MYBPC1: variants seen among roughly 807,000 people sequenced by gnomAD.
MYBPC1 encodes myosin-binding protein C, slow-type.
A neutral mutation model predicts 147.1 loss-of-function variants in MYBPC1; 52 were observed. The ratio of observed to expected loss-of-function variants is 0.35; its 90% CI spans 0.28 to 0.45. MYBPC1 has a LOEUF of 0.45. Ranked by LOEUF, MYBPC1 falls within the 20% of genes least tolerant of loss-of-function variation. The probability of loss-of-function intolerance (pLI) is 1.00; values close to 1 mark genes in which losing one functional copy is unlikely to be tolerated. For synonymous variants in MYBPC1, 477 were observed against 475.9 expected, an observed-to-expected ratio of 1.00 and a Z score of -0.03; for missense variants, 1,228 against 1,440.3, an observed-to-expected ratio of 0.85 and a Z score of 2.39.
rs114156749 is a variant in MYBPC1, at chr12:101,682,951, C to T, written c.3492+289C>T. Among the ~76,000 whole-genome samples, 1,145 of 152,214 alleles carry T rather than the reference C, an allele frequency of 7.5e-3. 17 individuals are homozygous for T. The highest frequency in any genetic ancestry group is 0.027 in the African/African-American group (1,102 of 41,514). On this transcript the variant is annotated intron_variant, in intron 30 of 31. Transcript: ENST00000361466. ...GATGATCTCGTTTTATATAATAAGA[C>T]TATCAAAACTTGGGTATCAATATTT...
intron 22 of MYBPC1, 145 bp from the exon 23 acceptor site, chr12:101,667,587 C>G: frequency 3.5e-6 from 3 of 866,158 alleles, no homozygotes; most frequent in Non-Finnish European, 5.6e-6. Context: ...CCCATGTAGT[C>G]GGAGTCCAGA....
chr12:101,685,765 C>T lies in MYBPC1; in HGVS notation c.*203C>T. On this transcript the variant is annotated 3_prime_UTR_variant, in exon 32 of 32. Coordinates refer to ENST00000361466, the MANE Select transcript of MYBPC1 (RefSeq NM_002465.4). ...AGAAAAAGCATTTTCTGTTTTCCCA[C>T]CAGGCCCCCAAGTGTGGTCTTTTTC... 1 of 999,172 alleles carries T rather than the reference C, an allele frequency of 1.0e-6. No homozygotes were observed. Among genetic ancestry groups the T allele is most frequent in the East Asian group, 3.1e-5 (1 of 32,646 alleles). 61.9% of individuals were successfully genotyped at this position (999,172 alleles called of 1,614,324 possible).
At chr12:101,676,344 C>G (rs1038316524) in intron 26 of MYBPC1, among the ~76,000 whole-genome samples, 2 of 152,062 alleles carry the variant, frequency 1.3e-5, no homozygotes, top group Non-Finnish European at 2.9e-5. Context: ...GAGGCTGAGG[C>G]AGGAGAATTG....
chr12:101,609,543 G>A (rs887955706), intron 1 of MYBPC1, among the ~76,000 whole-genome samples: 35 of 152,020 alleles, frequency 2.3e-4, no homozygotes, highest in Admixed American at 1.6e-3. Context: ...TTGACCTCCC[G>A]AGCCACCATG....
chr12:101,642,813 C>A (rs1056562238), intron 11 of MYBPC1, among the ~76,000 whole-genome samples: 1 of 152,148 alleles, frequency 6.6e-6, no homozygotes, highest in Non-Finnish European at 1.5e-5. Context: ...ATTACCCCCG[C>A]GGTTACTGGG....
intron 11 of MYBPC1, among the ~76,000 whole-genome samples, chr12:101,643,250 A>T (rs1431238798): frequency 1.3e-5 from 2 of 151,960 alleles, no homozygotes; most frequent in African/African-American, 4.8e-5. Flanking sequence ...ACCACCCTTT[A>T]AAAAAAATCT....
chr12:101,658,737 G>C (rs1194784998), intron 18 of MYBPC1, among the ~76,000 whole-genome samples: 2 of 152,260 alleles, frequency 1.3e-5, no homozygotes, highest in African/African-American at 4.8e-5. Context: ...ATTAGAATTT[G>C]GCTGATATGA....
chr12:101,651,570 A>T (rs1318837414), intron 16 of MYBPC1, among the ~76,000 whole-genome samples, 177 bp downstream of exon 16: 1 of 152,158 alleles, frequency 6.6e-6, no homozygotes, highest in Non-Finnish European at 1.5e-5. Context: ...AGCATGTCCT[A>T]CTCATAATCC....
chr12:101,682,327 C>T (rs1287117596), intron 29 of MYBPC1, among the ~76,000 whole-genome samples: 4 of 152,082 alleles, frequency 2.6e-5, no homozygotes, highest in Admixed American at 2.6e-4. Flanking sequence ...TAGTATTATA[C>T]ATATACATGA....
At chr12:101,644,378 A>C (rs1396926722) in intron 11 of MYBPC1, among the ~76,000 whole-genome samples, 1 of 152,144 alleles carries the variant, frequency 6.6e-6, no homozygotes, top group Non-Finnish European at 1.5e-5. Flanking sequence ...AACGCTTTAT[A>C]GTGTACATTC....
rs967990972 is a variant in MYBPC1 at position 101,624,346 on chromosome 12, T to C, written c.104-2526T>C. Among the ~76,000 whole-genome samples the C allele has an allele frequency of 7.9e-5, 12 of 152,356 alleles. No homozygotes were observed. The South Asian group carries it at 1.4e-3, about 18-fold the overall frequency. Reference sequence around the variant, plus strand: ...TTGTAGTAAATATTCTAATAGATTATATAAAAACATACTATTTTATGTCTT... The same window carrying C: ...TTGTAGTAAATATTCTAATAGATTACATAAAAACATACTATTTTATGTCTT... On this transcript the variant is annotated intron_variant, in intron 3 of 31. Transcript: ENST00000361466.
intron 9 of MYBPC1, 28 bp from the exon 10 acceptor site, chr12:101,636,644 A>G: frequency 6.2e-7 from 1 of 1,609,140 alleles, no homozygotes. Context: ...CATTAAACCC[A>G]GATTTGCTTT....
At chr12:101,652,655 A>G in intron 16 of MYBPC1, 23 bp from the exon 17 acceptor site, 1 of 1,540,296 alleles carries the variant, frequency 6.5e-7, no homozygotes, top group Non-Finnish European at 9.0e-7. Context: ...AGTCTTAGAA[A>G]TACATTTTCC....
At chr12:101,673,722 C>T (rs1594047863) in intron 25 of MYBPC1, 100 bp downstream of exon 25, 2 of 1,250,482 alleles carry the variant, frequency 1.6e-6, no homozygotes, top group East Asian at 2.3e-5. Context: ...TAGGCTGGCT[C>T]TACATAAAAC....
chr12:101,644,773 T>C lies in MYBPC1; in HGVS notation c.942T>C (p.Gly314=). ...PKLEVKWYKN[G]QEIRPSTKYI... Reference sequence around the variant, plus strand: ...TGGAGGTGAAATGGTATAAAAATGGTCAAGAAATTCGACCCAGTACCAAGT... The same window carrying C: ...TGGAGGTGAAATGGTATAAAAATGGCCAAGAAATTCGACCCAGTACCAAGT... The change falls in exon 12 of 32, where the codon GGT becomes GGC. Residue 314 remains glycine (G), a synonymous_variant. Transcript: ENST00000361466. 1 of 1,613,968 alleles carries C rather than the reference T, an allele frequency of 6.2e-7. No homozygotes were observed. Among genetic ancestry groups the C allele is most frequent in the South Asian group, 1.1e-5 (1 of 91,056 alleles).
intron 1 of MYBPC1, among the ~76,000 whole-genome samples, chr12:101,611,486 G>A (rs1193816600): frequency 6.6e-6 from 1 of 152,122 alleles, no homozygotes; most frequent in Non-Finnish European, 1.5e-5. Context: ...TTAAAAAATG[G>A]GAATTGGTCA....
chr12:101,649,518 T>C (rs1403879254), intron 15 of MYBPC1, 92 bp downstream of exon 15: 1 of 1,427,998 alleles, frequency 7.0e-7, no homozygotes, highest in Non-Finnish European at 9.9e-7. Flanking sequence ...TTGATTTCTA[T>C]TTGCGATGAT....
chr12:101,666,955 G>T (rs1431107237), intron 22 of MYBPC1, among the ~76,000 whole-genome samples: 1 of 149,934 alleles, frequency 6.7e-6, no homozygotes, highest in African/African-American at 2.5e-5. Flanking sequence ...CCTTAGAGAT[G>T]GGGGAGAGGG....
chr12:101,620,699 TG>T (rs1887173993), intron 3 of MYBPC1, among the ~76,000 whole-genome samples: 1 of 152,216 alleles, frequency 6.6e-6, no homozygotes, highest in Non-Finnish European at 1.5e-5. Flanking sequence ...AATGGTTCTG[TG>T]GCTGGTCCAA....
Sources: gnomAD v4.1 joint callset for allele counts (sites outside exome capture counted in the v4.1 genomes callset) on GRCh38, gnomAD v4.1.1 for gene constraint, MANE v1.5 for transcripts, NCBI Gene and HGNC (gene_info 2026-07-23, HGNC 2026-07-21) for gene names.